Variants in LRMDA observed in about 807,000 individuals in gnomAD.
LRMDA encodes the protein leucine-rich melanocyte differentiation-associated protein.
LRMDA carries 18 observed loss-of-function variants against 29.8 expected under a neutral mutation model. The observed-to-expected ratio is 0.60, with a 90% CI of 0.42 to 0.90. The LOEUF (loss-of-function observed/expected upper bound fraction) is 0.90. Among genes scored for constraint, LRMDA ranks in the 40% least tolerant of loss-of-function variants. The pLI is 0.00. For missense variants in LRMDA, 273 were observed against 273.9 expected (o/e 1.00, Z 0.02); for synonymous variants, 125 against 109.4 (o/e 1.14, Z -0.89).
At chr10:75,700,594 T>A (rs1842293381) in intron 2 of LRMDA, among the ~76,000 whole-genome samples, 1 of 152,160 alleles carries the variant, frequency 6.6e-6, no homozygotes, top group Non-Finnish European at 1.5e-5. Context: ...GTTGTGTATA[T>A]TTTATGTATA....
intron 6 of LRMDA, among the ~76,000 whole-genome samples, chr10:76,504,966 G>T (rs1204664094): frequency 6.6e-6 from 1 of 151,996 alleles, no homozygotes; most frequent in African/African-American, 2.4e-5. Context: ...ATAGCACTCT[G>T]TTAAGGACCT....
chr10:76,381,052 C>CT (rs35200081), intron 6 of LRMDA, among the ~76,000 whole-genome samples: 118,080 of 131,444 alleles, frequency 0.9, 53,574 homozygotes, highest in Middle Eastern at 0.96. Flanking sequence ...CTTGGAATGG[C>CT]TGTACCCTAG....
At chr10:75,497,689 T>G (rs1845064018) in intron 2 of LRMDA, among the ~76,000 whole-genome samples, 1 of 152,012 alleles carries the variant, frequency 6.6e-6, no homozygotes, top group Non-Finnish European at 1.5e-5. Flanking sequence ...TTTTACGACT[T>G]CACACAATTA....
chr10:76,382,945 A>C (rs542165165), intron 6 of LRMDA, among the ~76,000 whole-genome samples: 5 of 152,342 alleles, frequency 3.3e-5, no homozygotes, highest in African/African-American at 1.2e-4. Context: ...ACTGTTTGTA[A>C]GTGCCTTTTT....
chr10:75,660,928 T>C (rs1318601309), intron 2 of LRMDA, among the ~76,000 whole-genome samples: 5 of 152,220 alleles, frequency 3.3e-5, no homozygotes, highest in Non-Finnish European at 7.3e-5. Context: ...ATGTAGCTGC[T>C]CTGTCTTGAA....
chr10:75,667,815 AC>A (rs907606267), intron 2 of LRMDA, among the ~76,000 whole-genome samples: 2 of 152,220 alleles, frequency 1.3e-5, no homozygotes, highest in Non-Finnish European at 2.9e-5. Flanking sequence ...GATGAAAAAA[AC>A]GTATTAATTA....
chr10:76,032,404 G>A (rs150695110), intron 2 of LRMDA, among the ~76,000 whole-genome samples: 65 of 152,366 alleles, frequency 4.3e-4, no homozygotes, highest in East Asian at 3.5e-3. Flanking sequence ...ATGATGTTGG[G>A]ATATTAACTC....
chr10:76,442,738 T>C (rs1227463419), intron 6 of LRMDA, among the ~76,000 whole-genome samples: 8 of 152,154 alleles, frequency 5.3e-5, no homozygotes, highest in Admixed American at 5.2e-4. Flanking sequence ...TAGTCAAGTA[T>C]TTTATCTTAA....
chr10:75,537,663 A>G (rs1386831346), intron 2 of LRMDA, among the ~76,000 whole-genome samples: 1 of 152,190 alleles, frequency 6.6e-6, no homozygotes, highest in Non-Finnish European at 1.5e-5. Flanking sequence ...TATTGAAGTG[A>G]GCTTGGGTTG....
At chr10:76,433,223 G>A (rs983613327) in intron 6 of LRMDA, among the ~76,000 whole-genome samples, 4 of 152,144 alleles carry the variant, frequency 2.6e-5, no homozygotes, top group Non-Finnish European at 4.4e-5. Flanking sequence ...GCCTGGAGCC[G>A]CCAGTGTAGC....
chr10:76,472,491 C>T (rs1351403368), intron 6 of LRMDA, among the ~76,000 whole-genome samples: 1 of 151,316 alleles, frequency 6.6e-6, no homozygotes, highest in African/African-American at 2.4e-5. Flanking sequence ...TGATTTTCCA[C>T]CTTAAGACAG....
intron 6 of LRMDA, among the ~76,000 whole-genome samples, chr10:76,385,376 G>A (rs1355718773): frequency 1.3e-5 from 2 of 152,168 alleles, no homozygotes; most frequent in Non-Finnish European, 2.9e-5. Context: ...AATGTTCATA[G>A]CGTTGTTTAC....
At chr10:76,174,951 T>C (rs1850906305) in intron 5 of LRMDA, among the ~76,000 whole-genome samples, 1 of 152,086 alleles carries the variant, frequency 6.6e-6, no homozygotes, top group South Asian at 2.1e-4. Context: ...GGAAACCCAA[T>C]CTCTACTAAA....
intron 2 of LRMDA, among the ~76,000 whole-genome samples, chr10:75,439,947 G>A (rs1189613188): frequency 6.6e-6 from 1 of 151,966 alleles, no homozygotes; most frequent in Non-Finnish European, 1.5e-5. Flanking sequence ...CAGGGGCTCA[G>A]GGCACTGGAG....
At chr10:75,666,508 G>C (rs925788557) in intron 2 of LRMDA, among the ~76,000 whole-genome samples, 1 of 151,862 alleles carries the variant, frequency 6.6e-6, no homozygotes, top group South Asian at 2.1e-4. Context: ...GAAATTATGC[G>C]CTTGTGATAC....
intron 2 of LRMDA, among the ~76,000 whole-genome samples, chr10:75,575,612 A>G (rs1332881718): frequency 2.6e-5 from 4 of 152,164 alleles, no homozygotes; most frequent in African/African-American, 7.2e-5. Flanking sequence ...TCCAGTCTGT[A>G]GCTCCCAGCG....
chr10:75,973,021 A>ACAGCAGCAGCAGCAGCAG (rs3042539), intron 2 of LRMDA, among the ~76,000 whole-genome samples: 640 of 148,964 alleles, frequency 4.3e-3, no homozygotes, highest in Non-Finnish European at 7.6e-3. Context: ...CACTTTAACA[A>ACAGCAGCAGCAGCAGCAG]CAGCAGCAGC....
At position 75,455,451 on chromosome 10, in the gene LRMDA, A is replaced by T. The variant is rs1044575691; in HGVS notation, c.131+16957A>T. The stretch of plus-strand genomic sequence containing the variant: ...TGTGGAGATAAGGCTAATACAGGTG[A>T]AATTATTAGAGAACAATATGGGGCC... On this transcript the variant is annotated intron_variant, in intron 2 of 6. Transcript: ENST00000611255. 3.2e-4 allele frequency among the ~76,000 whole-genome samples: 48 copies of T among 152,230 alleles called. 1 individual carries two copies.
At chr10:75,444,487 A>G (rs1468102633) in intron 2 of LRMDA, among the ~76,000 whole-genome samples, 2 of 152,178 alleles carry the variant, frequency 1.3e-5, no homozygotes, top group Admixed American at 6.5e-5. Flanking sequence ...AGTCAGCCAT[A>G]GTGACTGTGA....
Sources: gnomAD v4.1 joint callset for allele counts (sites outside exome capture counted in the v4.1 genomes callset) on GRCh38, gnomAD v4.1.1 for gene constraint, MANE v1.5 for transcripts, NCBI Gene and HGNC (gene_info 2026-07-23, HGNC 2026-07-21) for gene names.